The following ZNF79 variants were observed in gnomAD, a reference collection of about 807,000 sequenced individuals.
The protein encoded by ZNF79 is zinc finger protein 79.
ZNF79 carries 13 observed loss-of-function variants against 14.9 expected under a neutral mutation model. The ratio of observed to expected loss-of-function variants is 0.87; its 90% CI spans 0.57 to 1.38. The LOEUF (loss-of-function observed/expected upper bound fraction) is 1.38, where lower values mean the gene tolerates loss of function less well. ZNF79 is among the 40% of genes most tolerant of loss of function. ZNF79 has a pLI of 0.00. For missense variants in ZNF79, 631 were observed against 630.6 expected (o/e 1.00, Z -0.01); for synonymous variants, 223 against 235.1 (o/e 0.95, Z 0.47).
chr9:127,439,893 C>T (rs377291804), intron 4 of ZNF79, among the ~76,000 whole-genome samples: 89 of 152,236 alleles, frequency 5.8e-4, no homozygotes, highest in African/African-American at 2.1e-3. Flanking sequence ...GACGGAGTCT[C>T]ATTCTGTCTC....
Position 127,435,115 on chromosome 9 carries a change from C to G in ZNF79, c.131C>G (p.Thr44Arg). ...GGATCCACATTCTTCAGCAGTGTGA[C>G]GGTAGCTTTTGCACAGGAAAGGTGG... ...PRGSTFFSSV[T>R]VAFAQERWRC... Residue 44 changes from threonine to arginine, a missense_variant, in exon 3 of 5, where the codon ACG (threonine) becomes AGG (arginine). Coordinates refer to ENST00000342483, the MANE Select transcript of ZNF79 (RefSeq NM_007135.3). 1 of 1,612,494 alleles carries G rather than the reference C, an allele frequency of 6.2e-7. No individual in the cohort carries two copies. Among genetic ancestry groups the G allele is most frequent in the African/African-American group, 1.3e-5 (1 of 74,892 alleles).
At chr9:127,430,063 G>A (rs773894910) in intron 2 of ZNF79, among the ~76,000 whole-genome samples, 4 of 152,044 alleles carry the variant, frequency 2.6e-5, no homozygotes, top group Non-Finnish European at 5.9e-5. Flanking sequence ...TGATCTACCC[G>A]CCTCAGCCTC....
intron 3 of ZNF79, among the ~76,000 whole-genome samples, chr9:127,435,440 G>A (rs1833931046): frequency 6.6e-6 from 1 of 152,170 alleles, no homozygotes; most frequent in African/African-American, 2.4e-5. Flanking sequence ...TTTCGCAGGA[G>A]GGGTGGGGTA....
chr9:127,428,729 T>A, intron 1 of ZNF79, 103 bp from the exon 2 acceptor site: 3 of 1,289,946 alleles, frequency 2.3e-6, no homozygotes, highest in Non-Finnish European at 3.0e-6. Context: ...GTCTGCAGAT[T>A]CAGCCCACGT....
intron 2 of ZNF79, among the ~76,000 whole-genome samples, chr9:127,429,687 T>C (rs116035875): frequency 0.013 from 2,031 of 152,100 alleles, 43 homozygotes; most frequent in African/African-American, 0.046. Context: ...AACAAAGTAA[T>C]TCATGTTCCC....
At chr9:127,436,038 G>T in intron 4 of ZNF79, 35 bp downstream of exon 4, 1 of 1,589,142 alleles carries the variant, frequency 6.3e-7, no homozygotes, top group South Asian at 1.1e-5. Context: ...TGGGAGTCTT[G>T]GGAGCAAAAG....
In ZNF79 at chr9:127,424,601, A is replaced by G; in HGVS notation, c.-187A>G. ...GACGGAGTGGAACACCCGGCTGGGC[A>G]GGCCCGGACAGCTCCCGCGACCCAG... On this transcript the variant is annotated 5_prime_UTR_variant, in exon 1 of 5. Transcript: ENST00000342483. 2.8e-6 allele frequency: 2 copies of G among 707,844 alleles called. No homozygotes were observed. The highest frequency in any genetic ancestry group is 2.1e-5 in the South Asian group (1 of 47,538). 43.8% of individuals were successfully genotyped at this position (707,844 alleles called of 1,614,324 possible). A position where few individuals can be genotyped will look rare whatever the true frequency, so the allele number is the denominator to read the frequency against.
At chr9:127,437,335 A>C (rs1258508985) in intron 4 of ZNF79, among the ~76,000 whole-genome samples, 1 of 118,416 alleles carries the variant, frequency 8.4e-6, no homozygotes, top group African/African-American at 3.2e-5. Flanking sequence ...TCCTTCTCTC[A>C]AGGCCCCCCC....
At position 127,435,232 on chromosome 9, in the gene ZNF79, CTTTAAGA is replaced by C. The variant is rs780967444; in HGVS notation, c.232+21_232+27del. 1.6e-5 allele frequency: 25 copies of C among 1,576,256 alleles called. No individual in the cohort carries two copies. The highest frequency in any genetic ancestry group is 4.0e-5 in the Admixed American group (2 of 49,458). Reference sequence around the variant, plus strand: ...GTCCTACTAGGTAAGGAAACTGTTTCTTTAAGATTTAGAATCACTCAATTCTGAAAAT... The same window carrying C: ...GTCCTACTAGGTAAGGAAACTGTTTCTTTAGAATCACTCAATTCTGAAAAT... On this transcript the variant is annotated intron_variant, in intron 3 of 4. Transcript: ENST00000342483.
intron 2 of ZNF79, among the ~76,000 whole-genome samples, chr9:127,429,154 C>T (rs1295502763): frequency 6.6e-6 from 1 of 152,112 alleles, no homozygotes; most frequent in Non-Finnish European, 1.5e-5. Flanking sequence ...GCTGGGATTA[C>T]AGGCACGCAT....
At chr9:127,433,171 T>C (rs1382211284) in intron 2 of ZNF79, among the ~76,000 whole-genome samples, 1 of 152,074 alleles carries the variant, frequency 6.6e-6, no homozygotes, top group East Asian at 1.9e-4. Context: ...GCAGGTAAAA[T>C]CAGAGGCCTG....
intron 2 of ZNF79, among the ~76,000 whole-genome samples, chr9:127,433,034 G>A (rs1833887948): frequency 6.6e-6 from 1 of 152,080 alleles, no homozygotes; most frequent in Non-Finnish European, 1.5e-5. Flanking sequence ...CACCTGCTTT[G>A]GCCTCCCAAA....
In ZNF79 at chr9:127,444,845, C is replaced by T. The variant is rs1377312621; in HGVS notation, c.1145C>T (p.Thr382Ile). 1.2e-6 allele frequency: 2 copies of T among 1,612,450 alleles called. No homozygotes were observed. The highest frequency in any genetic ancestry group is 1.7e-5 in the Admixed American group (1 of 59,868). The change falls in exon 5 of 5, where the codon ACT (threonine) becomes ATT (isoleucine). Residue 382 changes from threonine to isoleucine, a missense_variant. Thr to Ile is a moderately conservative substitution (Grantham distance 89). Transcript: ENST00000342483. Reference protein sequence around the residue: ...QSANLTNHQRTHTGEKPYKCS... With the variant: ...QSANLTNHQRIHTGEKPYKCS... ...GCAAACCTCACAAACCATCAGAGGA[C>T]TCACACTGGGGAGAAACCCTACAAG...
rs1167069605 is a variant in ZNF79 at position 127,428,849 on chromosome 9, C to T, written c.34C>T (p.Pro12Ser). Residue 12 changes from proline (P) to serine (S), a missense_variant, in exon 2 of 5, where the codon CCT (proline) becomes TCT (serine). Transcript: ENST00000342483. Reference sequence around the variant, plus strand: ...TTCTCTAGTACTGCCTTCCCCAGGCCCTGCCCTTCCCCAAGAGGAAAACAC... The same window carrying T: ...TTCTCTAGTACTGCCTTCCCCAGGCTCTGCCCTTCCCCAAGAGGAAAACAC... ...LEEGVLPSPGPALPQEENTGE... is the reference protein window; with the variant it reads ...LEEGVLPSPGSALPQEENTGE... 3.9e-5 allele frequency: 63 copies of T among 1,605,976 alleles called. No homozygotes were observed. Among genetic ancestry groups the T allele is most frequent in the Non-Finnish European group, 5.4e-5 (63 of 1,175,676 alleles).
In ZNF79 at chr9:127,445,166, T is replaced by C; in HGVS notation, c.1466T>C (p.Val489Ala). ...GCCTTCCGGTGCAGCTCTGCCTTCGTTAGACATCAGAGACTCCACGCCGGA... is the reference window on the plus strand; with the variant it reads ...GCCTTCCGGTGCAGCTCTGCCTTCGCTAGACATCAGAGACTCCACGCCGGA... ...GKAFRCSSAF[V>A]RHQRLHAGE Residue 489 changes from valine to alanine, a missense_variant, in exon 5 of 5, where the codon GTT becomes GCT. By Grantham distance (64) the Val-to-Ala change is moderately conservative (BLOSUM62 0). Coordinates refer to ENST00000342483, the MANE Select transcript of ZNF79 (RefSeq NM_007135.3). The C allele has an allele frequency of 6.2e-7, 1 of 1,614,182 alleles. No homozygotes were observed. Among genetic ancestry groups the C allele is most frequent in the South Asian group, 1.1e-5 (1 of 91,080 alleles).
At chr9:127,425,171 G>C (rs1461633161) in intron 1 of ZNF79, among the ~76,000 whole-genome samples, 3 of 152,118 alleles carry the variant, frequency 2.0e-5, no homozygotes, top group Non-Finnish European at 2.9e-5. Context: ...TCTCGAAGCA[G>C]CCAGGAATGC....
At chr9:127,428,658 T>A in intron 1 of ZNF79, 174 bp from the exon 2 acceptor site, 1 of 1,237,722 alleles carries the variant, frequency 8.1e-7, no homozygotes, top group Non-Finnish European at 1.0e-6. Context: ...TCCCTACATC[T>A]GAGTGAGTTG....
In ZNF79 at chr9:127,444,641, TC is replaced by T. The variant is rs757752159; in HGVS notation, c.943del (p.Arg315ValfsTer91). ...GAATGCAGCGACTGTGGGAAGGCCT[TC>T]CGTCACAGTGCAAACCTCACGAACC... ...PYECSDCGKA[F>X]RHSANLTNHQ... On this transcript the variant is annotated frameshift_variant, in exon 5 of 5. Coordinates refer to ENST00000342483, the MANE Select transcript of ZNF79 (RefSeq NM_007135.3). LOFTEE classifies it low-confidence loss of function (END_TRUNC). 2.2e-5 allele frequency: 35 copies of T among 1,613,942 alleles called. No individual in the cohort carries two copies. The highest frequency in any genetic ancestry group is 2.7e-5 in the Non-Finnish European group (32 of 1,179,964).
intron 2 of ZNF79, among the ~76,000 whole-genome samples, chr9:127,429,753 C>T (rs1416097950): frequency 6.6e-6 from 1 of 151,824 alleles, no homozygotes; most frequent in African/African-American, 2.4e-5. Context: ...ACTCTTAATC[C>T]CACAAAAAGA....
Sources: gnomAD v4.1 joint callset for allele counts (sites outside exome capture counted in the v4.1 genomes callset) on GRCh38, gnomAD v4.1.1 for gene constraint, MANE v1.5 for transcripts, NCBI Gene and HGNC (gene_info 2026-07-23, HGNC 2026-07-21) for gene names.